HMGA2: variants seen among roughly 807,000 people sequenced by gnomAD.
HMGA2 encodes high mobility group protein HMGI-C.
A neutral mutation model predicts 19.1 loss-of-function variants in HMGA2; 8 were observed. The observed-to-expected ratio is 0.42, with a 90% confidence interval of 0.25 to 0.76. The LOEUF (loss-of-function observed/expected upper bound fraction) is 0.76, where lower values mean the gene tolerates loss of function less well. Ranked by LOEUF, HMGA2 falls within the 30% of genes least tolerant of loss-of-function variation. HMGA2 has a pLI of 0.28. For missense variants in HMGA2, 109 were observed against 136.3 expected (o/e 0.80, Z 1.00); for synonymous variants, 60 against 48.8 (o/e 1.23, Z -0.96).
At chr12:65,918,546 T>C (rs562898848) in intron 3 of HMGA2, among the ~76,000 whole-genome samples, 1 of 152,198 alleles carries the variant, frequency 6.6e-6, no homozygotes, top group Non-Finnish European at 1.5e-5. Context: ...AGTGATGACA[T>C]AAATAAGAAA....
intron 3 of HMGA2, among the ~76,000 whole-genome samples, chr12:65,900,336 G>A (rs948789197): frequency 1.3e-5 from 2 of 152,056 alleles, no homozygotes; most frequent in Admixed American, 6.6e-5. Context: ...TAAATGGCAC[G>A]CTACTATTCC....
At chr12:65,938,858 T>C (rs897113840) in intron 3 of HMGA2, among the ~76,000 whole-genome samples, 3 of 152,000 alleles carry the variant, frequency 2.0e-5, no homozygotes, top group Non-Finnish European at 4.4e-5. Context: ...AGAGATAGAG[T>C]TTGCCATGTT....
chr12:65,846,758 C>T (rs769929057), intron 3 of HMGA2, among the ~76,000 whole-genome samples: 1 of 152,112 alleles, frequency 6.6e-6, no homozygotes, highest in Non-Finnish European at 1.5e-5. Context: ...TTTGCCAAAG[C>T]CTTCTGACAC....
At chr12:65,953,665 C>T (rs1199756451) in intron 4 of HMGA2, 2 of 152,204 alleles carry the variant, frequency 1.3e-5, no homozygotes, top group Non-Finnish European at 2.9e-5. Context: ...ATCTGGCTAT[C>T]TTACAGACCC....
chr12:65,863,003 C>T (rs1313052082), intron 3 of HMGA2, among the ~76,000 whole-genome samples: 3 of 152,198 alleles, frequency 2.0e-5, no homozygotes, highest in Non-Finnish European at 2.9e-5. Context: ...CCCACCCATG[C>T]TCAGCTCATG....
intron 3 of HMGA2, among the ~76,000 whole-genome samples, chr12:65,928,465 A>G (rs1197908080): frequency 6.6e-6 from 1 of 152,216 alleles, no homozygotes; most frequent in Non-Finnish European, 1.5e-5. Flanking sequence ...CTTGGGCTAC[A>G]CTAAATTTAT....
At chr12:65,830,801 T>C (rs1870443522) in intron 2 of HMGA2, 1 of 151,914 alleles carries the variant, frequency 6.6e-6, no homozygotes, top group Non-Finnish European at 1.5e-5. Context: ...CCATATTCAG[T>C]AGAAAATTGA....
chr12:65,956,077 G>C (rs373212750), intron 4 of HMGA2: 1 of 152,000 alleles, frequency 6.6e-6, no homozygotes, highest in Admixed American at 6.5e-5. Flanking sequence ...TCTAACACTC[G>C]TCTTTTACAT....
At position 65,964,434 on chromosome 12, in the gene HMGA2, T is replaced by TA. The variant is rs1196075552; in HGVS notation, c.*1143dup. ...TAAGCATATGTGTTACTTCAAGTAATACGTTTTGACATAAGATGGTTGACC... is the reference window on the plus strand; with the variant it reads ...TAAGCATATGTGTTACTTCAAGTAATAACGTTTTGACATAAGATGGTTGACC... On this transcript the variant is annotated 3_prime_UTR_variant, in exon 5 of 5. Transcript: ENST00000403681. 1 of 224,162 alleles carries TA rather than the reference T, an allele frequency of 4.5e-6. No individual in the cohort carries two copies. The highest frequency in any genetic ancestry group is 2.2e-5 in the African/African-American group (1 of 44,856). 13.9% of individuals were successfully genotyped at this position (224,162 alleles called of 1,614,324 possible). A position where few individuals can be genotyped will look rare whatever the true frequency, so the allele number is the denominator to read the frequency against.
chr12:65,958,761 T>C (rs1876669441), intron 4 of HMGA2: 1 of 152,138 alleles, frequency 6.6e-6, no homozygotes, highest in Admixed American at 6.5e-5. Context: ...ACCAAGTATT[T>C]GTAGGTTTAT....
intron 3 of HMGA2, among the ~76,000 whole-genome samples, chr12:65,875,047 A>G (rs1028184763): frequency 6.6e-6 from 1 of 152,178 alleles, no homozygotes; most frequent in Non-Finnish European, 1.5e-5. Context: ...TGCTATGGCC[A>G]TAATGGGTTT....
In HMGA2 at chr12:65,854,543, C is replaced by T. The variant is rs183463947; in HGVS notation, c.249+15974C>T. On this transcript the variant is annotated intron_variant, in intron 3 of 4. Coordinates refer to ENST00000403681, the MANE Select transcript of HMGA2 (RefSeq NM_003483.6). ...CATCAAGTTATATACAACTTTATCA[C>T]ATGTAGGTTCATGTATTCACTACCA... is the stretch of plus-strand genomic sequence containing the variant. Among the ~76,000 whole-genome samples the T allele has an allele frequency of 2.4e-3, 370 of 152,328 alleles. 3 individuals are homozygous for T. Among genetic ancestry groups the T allele is most frequent in the African/African-American group, 8.2e-3 (341 of 41,574 alleles).
intron 3 of HMGA2, among the ~76,000 whole-genome samples, chr12:65,897,920 C>T (rs893574190): frequency 6.6e-6 from 1 of 150,682 alleles, no homozygotes; most frequent in Non-Finnish European, 1.5e-5. Context: ...GCTGAGATCG[C>T]GCCATTGCAC....
At chr12:65,850,236 A>T (rs1437950757) in intron 3 of HMGA2, among the ~76,000 whole-genome samples, 6 of 152,144 alleles carry the variant, frequency 3.9e-5, no homozygotes, top group African/African-American at 1.2e-4. Context: ...TAAATCACTC[A>T]TCTTAGTGGA....
chr12:65,847,317 G>GA (rs1241053251), intron 3 of HMGA2, among the ~76,000 whole-genome samples: 7 of 152,012 alleles, frequency 4.6e-5, no homozygotes, highest in Non-Finnish European at 8.8e-5. Flanking sequence ...AAGGGAATCA[G>GA]AAAAAAACAG....
At chr12:65,958,188 A>G (rs1257134042) in intron 4 of HMGA2, 1 of 152,204 alleles carries the variant, frequency 6.6e-6, no homozygotes, top group Non-Finnish European at 1.5e-5. Flanking sequence ...CAAGACCTTC[A>G]ACCCAACTTT....
At chr12:65,949,922 T>G (rs944937429) in intron 3 of HMGA2, among the ~76,000 whole-genome samples, 1 of 152,158 alleles carries the variant, frequency 6.6e-6, no homozygotes, top group Non-Finnish European at 1.5e-5. Context: ...CCAGGAGACA[T>G]ATAAATGGCC....
chr12:65,914,208 G>A (rs1323495283), intron 3 of HMGA2, among the ~76,000 whole-genome samples: 1 of 151,940 alleles, frequency 6.6e-6, no homozygotes, highest in Non-Finnish European at 1.5e-5. Flanking sequence ...GTTTATTGCG[G>A]CATTATTCAC....
chr12:65,939,476 CT>C (rs1876012575), intron 3 of HMGA2, among the ~76,000 whole-genome samples: 2 of 151,982 alleles, frequency 1.3e-5, no homozygotes, highest in Non-Finnish European at 1.5e-5. Context: ...TTGCCTCAGC[CT>C]CCTGAGCAGC....
Sources: allele counts gnomAD v4.1 joint callset (sites outside exome capture counted in the v4.1 genomes callset), GRCh38; gene constraint gnomAD v4.1.1; transcripts MANE v1.5; gene names NCBI Gene and HGNC (gene_info 2026-07-23, HGNC 2026-07-21).